The following ARHGEF10L variants were observed in gnomAD, a reference collection of about 807,000 sequenced individuals.
ARHGEF10L encodes Rho guanine nucleotide exchange factor 10 like, also known as rho guanine nucleotide exchange factor 10-like protein.
Under a neutral mutation model 141.2 loss-of-function variants are expected in ARHGEF10L, and 69 were observed. The observed-to-expected ratio is 0.49, with a 90% CI of 0.40 to 0.60. The LOEUF (loss-of-function observed/expected upper bound fraction) is 0.60, where lower values mean the gene tolerates loss of function less well. Ranked by LOEUF, ARHGEF10L falls within the 20% of genes least tolerant of loss-of-function variation. The pLI is 0.00. For missense variants in ARHGEF10L, 1,482 were observed against 1,734.3 expected (o/e 0.85, Z 2.58); for synonymous variants, 711 against 718.5 (o/e 0.99, Z 0.17).
intron 7 of ARHGEF10L, among the ~76,000 whole-genome samples, chr1:17,612,214 A>G (rs996846135): frequency 2.0e-5 from 3 of 152,196 alleles, no homozygotes; most frequent in Non-Finnish European, 4.4e-5. Context: ...GTAGCTTGGA[A>G]TTGGTGGAAG....
intron 28 of ARHGEF10L, 93 bp from the exon 29 acceptor site, chr1:17,696,755 C>T: frequency 7.5e-7 from 1 of 1,340,104 alleles, no homozygotes. Flanking sequence ...CCCCAAATAC[C>T]CACCCAGAAT....
In ARHGEF10L at chr1:17,638,007, C is replaced by A. The variant is rs372796036; in HGVS notation, c.2043+4C>A. ...CACGCTGCACGGCACCTACCAGGTA[C>A]GTGGCCTGGCCTGACCTTTTTGGCC... On this transcript the variant is annotated splice_donor_region_variant and intron_variant, in intron 19 of 28. Coordinates refer to ENST00000361221, the MANE Select transcript of ARHGEF10L (RefSeq NM_018125.4). 39 of 1,572,160 alleles carry A rather than the reference C, an allele frequency of 2.5e-5. No individual in the cohort carries two copies. The highest frequency in any genetic ancestry group is 3.4e-5 in the Non-Finnish European group (39 of 1,158,042).
At chr1:17,564,968 C>G (rs999972748) in intron 1 of ARHGEF10L, among the ~76,000 whole-genome samples, 2 of 152,282 alleles carry the variant, frequency 1.3e-5, no homozygotes, top group East Asian at 3.9e-4. Flanking sequence ...AGGCAGCACC[C>G]GGGCACTTCA....
intron 4 of ARHGEF10L, among the ~76,000 whole-genome samples, chr1:17,589,998 C>A (rs1409582750): frequency 6.6e-6 from 1 of 151,984 alleles, no homozygotes; most frequent in Non-Finnish European, 1.5e-5. Context: ...GCTGAGGAAG[C>A]CCCTGAGCAG....
intron 27 of ARHGEF10L, among the ~76,000 whole-genome samples, 160 bp downstream of exon 27, chr1:17,687,907 C>T (rs1361185178): frequency 6.6e-6 from 1 of 152,198 alleles, no homozygotes; most frequent in Admixed American, 6.5e-5. Context: ...GGTTGGGATT[C>T]ACACCTAGGA....
At chr1:17,536,967 T>TCAAGTGATCCTCCCAC (rs1553167275), upstream of ARHGEF10L, among the ~76,000 whole-genome samples, 3 of 152,292 alleles carry the variant, frequency 2.0e-5, no homozygotes, top group Admixed American at 6.5e-5. Context: ...ACTCCTGGGC[T>TCAAGTGATCCTCCCAC]CAAGTGATCC....
At chr1:17,567,909 TC>T (rs1162019466) in intron 1 of ARHGEF10L, among the ~76,000 whole-genome samples, 17 of 152,264 alleles carry the variant, frequency 1.1e-4, no homozygotes, top group Admixed American at 8.5e-4. Flanking sequence ...TTTTGGATCC[TC>T]CCCCTTCCTG....
intron 26 of ARHGEF10L, among the ~76,000 whole-genome samples, chr1:17,684,444 G>A (rs1479288725): frequency 6.6e-6 from 1 of 152,190 alleles, no homozygotes; most frequent in Non-Finnish European, 1.5e-5. Context: ...TGCACAGGCT[G>A]TGAGGAGGCG....
At chr1:17,596,897 C>T (rs1312802284) in intron 4 of ARHGEF10L, among the ~76,000 whole-genome samples, 2 of 152,002 alleles carry the variant, frequency 1.3e-5, no homozygotes, top group Admixed American at 1.3e-4. Flanking sequence ...ACTAAAAATA[C>T]AAAAAAAAGT....
Position 17,615,964 on chromosome 1 carries a change from C to T in ARHGEF10L, c.727-130C>T. The T allele has an allele frequency of 1.4e-6, 1 of 732,530 alleles. No individual in the cohort carries two copies. Among genetic ancestry groups the T allele is most frequent in the Middle Eastern group, 2.7e-4 (1 of 3,660 alleles). The allele number at this position is 732,530 out of a possible 1,614,324, so 45.4% of individuals were successfully genotyped here. A position where few individuals can be genotyped will look rare whatever the true frequency, so the allele number is the denominator to read the frequency against. On this transcript the variant is annotated intron_variant, in intron 8 of 28. Coordinates refer to ENST00000361221, the MANE Select transcript of ARHGEF10L (RefSeq NM_018125.4). The surrounding 1 kb of genome is among the most constrained non-coding windows in gnomAD (Gnocchi z 4.7). Reference sequence around the variant, plus strand: ...CCCACTGTCGTCCTTGGCCTTTGCTCACGGACCTGGGAGGGAAGGGTCTGG... The same window carrying T: ...CCCACTGTCGTCCTTGGCCTTTGCTTACGGACCTGGGAGGGAAGGGTCTGG...
At chr1:17,538,682 T>C (rs896147030), upstream of ARHGEF10L, among the ~76,000 whole-genome samples, 1 of 125,542 alleles carries the variant, frequency 8.0e-6, no homozygotes, top group Non-Finnish European at 1.6e-5. Flanking sequence ...GCCTGACAAA[T>C]AGGGAGTAGT....
chr1:17,653,578 G>A (rs1474516284), intron 22 of ARHGEF10L, among the ~76,000 whole-genome samples: 1 of 152,228 alleles, frequency 6.6e-6, no homozygotes, highest in African/African-American at 2.4e-5. Context: ...GAGAAGACAG[G>A]GAGCCCAGAG....
In ARHGEF10L at chr1:17,639,807, A is replaced by G. The variant is rs1156464166; in HGVS notation, c.2172-395A>G. 4 of 1,303,202 alleles carry G rather than the reference A, an allele frequency of 3.1e-6. No homozygotes were observed. In the Admixed American group the frequency reaches 6.8e-5, roughly 22 times the overall value. 80.7% of individuals were successfully genotyped at this position (1,303,202 alleles called of 1,614,324 possible). ...CATGCCAGGTGCTGGGAACAGACCC[A>G]AGTGAGACCCATTCCTCCCTCTAGA... On this transcript the variant is annotated intron_variant, in intron 20 of 28. Transcript: ENST00000361221. This position sits in a 1 kb window ranked among gnomAD's most constrained non-coding sequence, Gnocchi z 4.3.
chr1:17,580,759 C>A, intron 2 of ARHGEF10L, 127 bp downstream of exon 2: 1 of 1,097,890 alleles, frequency 9.1e-7, no homozygotes, highest in Non-Finnish European at 1.4e-6. Flanking sequence ...GGCTGCTGGC[C>A]CTGCCTGGGC....
At chr1:17,678,272 G>T (rs770034511) in intron 26 of ARHGEF10L, among the ~76,000 whole-genome samples, 6 of 152,266 alleles carry the variant, frequency 3.9e-5, no homozygotes, top group African/African-American at 1.4e-4. Flanking sequence ...TGCTGGAGAA[G>T]AAACACTAGG....
chr1:17,690,540 C>T (rs940306285), intron 27 of ARHGEF10L, among the ~76,000 whole-genome samples: 7 of 152,268 alleles, frequency 4.6e-5, no homozygotes, highest in Non-Finnish European at 8.8e-5. Flanking sequence ...CCATTCCTGT[C>T]GCATCAGCTG....
At chr1:17,665,636 C>T (rs1246975908) in intron 26 of ARHGEF10L, among the ~76,000 whole-genome samples, 1 of 152,198 alleles carries the variant, frequency 6.6e-6, no homozygotes, top group African/African-American at 2.4e-5. Context: ...CCCGTGGGAG[C>T]ACGAGGCTTC....
chr1:17,538,529 T>G (rs2100571960), upstream of ARHGEF10L, among the ~76,000 whole-genome samples: 1 of 152,242 alleles, frequency 6.6e-6, no homozygotes, highest in African/African-American at 2.4e-5. Context: ...AATAAGATGA[T>G]TTCAGTGCGT....
the ARHGEF10L span, among the ~76,000 whole-genome samples, chr1:17,528,891 G>A: frequency 6.6e-6 from 1 of 152,152 alleles, no homozygotes; most frequent in Non-Finnish European, 1.5e-5. Context: ...GGGATAATAC[G>A]GTAAAGGGCT....
Sources: allele counts gnomAD v4.1 joint callset (sites outside exome capture counted in the v4.1 genomes callset), GRCh38; gene constraint gnomAD v4.1.1; non-coding constraint Gnocchi (gnomAD v3.1); transcripts MANE v1.5; gene names NCBI Gene and HGNC (gene_info 2026-07-23, HGNC 2026-07-21).